SOX5: variants seen among roughly 807,000 people sequenced by gnomAD.
The protein encoded by SOX5 is transcription factor SOX-5.
Under a neutral mutation model 92.0 loss-of-function variants are expected in SOX5, and 9 were observed. The observed-to-expected ratio is 0.10, with a 90% CI of 0.06 to 0.17. SOX5 has a LOEUF of 0.17. Ranked by LOEUF, SOX5 falls within the 10% of genes least tolerant of loss-of-function variation. The probability of loss-of-function intolerance (pLI) is 1.00; values close to 1 mark genes in which losing one functional copy is unlikely to be tolerated. For missense variants in SOX5, 642 were observed against 944.5 expected, an observed-to-expected ratio of 0.68 and a Z score of 4.20; for synonymous variants, 344 against 336.3, an observed-to-expected ratio of 1.02 and a Z score of -0.25.
At chr12:23,566,841 G>T (rs576937138) in intron 10 of SOX5, among the ~76,000 whole-genome samples, 5 of 152,280 alleles carry the variant, frequency 3.3e-5, no homozygotes, top group Admixed American at 2.6e-4. Flanking sequence ...TTGGAAATTG[G>T]ATTCAACTGC....
At chr12:23,589,720 G>C (rs974195) in intron 9 of SOX5, among the ~76,000 whole-genome samples, 20 of 151,632 alleles carry the variant, frequency 1.3e-4, no homozygotes, top group Admixed American at 1.2e-3. Context: ...TTAAATTTCA[G>C]AGTCGTTTTG....
intron 4 of SOX5, among the ~76,000 whole-genome samples, chr12:23,745,656 T>C (rs2093957037): frequency 6.6e-6 from 1 of 152,178 alleles, no homozygotes. Flanking sequence ...TGGGCCAGTC[T>C]CTCCCTAAAC....
intron 4 of SOX5, among the ~76,000 whole-genome samples, chr12:23,963,925 C>T (rs1229893150): frequency 4.0e-5 from 6 of 151,828 alleles, no homozygotes; most frequent in South Asian, 2.1e-4. Flanking sequence ...AACATTAAAA[C>T]AGTAGTCTTC....
chr12:24,068,244 G>A (rs1941116969), intron 4 of SOX5, among the ~76,000 whole-genome samples: 1 of 152,296 alleles, frequency 6.6e-6, no homozygotes, highest in Admixed American at 6.5e-5. Flanking sequence ...AGTCGTCAAT[G>A]TGTCCTAGAA....
intron 2 of SOX5, among the ~76,000 whole-genome samples, chr12:24,344,215 G>A (rs1374352017): frequency 6.8e-6 from 1 of 147,598 alleles, no homozygotes; most frequent in East Asian, 2.0e-4. Context: ...CCAGGGAGTC[G>A]GAGGTTGCAG....
intron 4 of SOX5, among the ~76,000 whole-genome samples, chr12:24,127,490 T>G (rs1036518463): frequency 8.5e-5 from 13 of 152,060 alleles, no homozygotes; most frequent in African/African-American, 3.1e-4. Flanking sequence ...ACTACTGCAA[T>G]ACTTTTGAAT....
chr12:23,713,688 T>A (rs2092261399), intron 6 of SOX5, among the ~76,000 whole-genome samples: 1 of 147,066 alleles, frequency 6.8e-6, no homozygotes, highest in South Asian at 2.2e-4. Flanking sequence ...TGTATTGAAA[T>A]TATCTGGAAT....
At chr12:23,600,552 T>TATATATATATATATATATATATATATAC (rs745640453) in intron 9 of SOX5, among the ~76,000 whole-genome samples, 1 of 95,240 alleles carries the variant, frequency 1.0e-5, no homozygotes, top group African/African-American at 3.4e-5. Context: ...TATATATATA[T>TATATATATATATATATATATATATATAC]ACACATACTT....
chr12:23,667,422 T>C lies in SOX5; in HGVS notation c.811-1858A>G, dbSNP rs902593321. Among the ~76,000 whole-genome samples the C allele has an allele frequency of 3.3e-5, 5 of 152,274 alleles. No individual in the cohort carries two copies. The East Asian group carries it at 9.6e-4, about 29-fold the overall frequency. ...ATTCTAAACTTCGGTCTTTTATAGA[T>C]CAGATTATGAAAATGCATTTTGTTT... is the stretch of plus-strand genomic sequence containing the variant. On this transcript the variant is annotated intron_variant, in intron 6 of 14. Transcript: ENST00000451604.
intron 7 of SOX5, among the ~76,000 whole-genome samples, chr12:23,645,496 T>C (rs2080718905): frequency 6.6e-6 from 1 of 152,168 alleles, no homozygotes; most frequent in East Asian, 1.9e-4. Flanking sequence ...GTAGGAAGTA[T>C]TAAAGATCAC....
rs573715709 is a variant in SOX5 at position 23,840,966 on chromosome 12, A to G, written c.481+5017T>C. 2.6e-5 allele frequency among the ~76,000 whole-genome samples: 4 copies of G among 152,288 alleles called. No individual in the cohort carries two copies. The East Asian group carries it at 7.7e-4, about 29-fold the overall frequency. On this transcript the variant is annotated intron_variant, in intron 3 of 14. Coordinates refer to ENST00000451604, the MANE Select transcript of SOX5 (RefSeq NM_006940.6). ...CTTACAGACATCAAAAGCATAATCC[A>G]TGCAAAACAATTAATAATTAGATTT... is the stretch of plus-strand genomic sequence containing the variant.
chr12:24,172,013 G>T (rs1954238992), intron 4 of SOX5, among the ~76,000 whole-genome samples: 1 of 152,034 alleles, frequency 6.6e-6, no homozygotes, highest in East Asian at 1.9e-4. Context: ...AGATGCTAGA[G>T]AATATGAGAA....
chr12:24,143,791 AT>A (rs1950807110), intron 4 of SOX5, among the ~76,000 whole-genome samples: 1 of 151,694 alleles, frequency 6.6e-6, no homozygotes, highest in Non-Finnish European at 1.5e-5. Context: ...ACGACAGGTA[AT>A]AAGAGAATGG....
chr12:23,667,132 C>A (rs1019524820), intron 6 of SOX5, among the ~76,000 whole-genome samples: 45 of 151,416 alleles, frequency 3.0e-4, no homozygotes, highest in African/African-American at 1.1e-3. Flanking sequence ...GTGGTGGGGG[C>A]GGCAGAGAGA....
intron 3 of SOX5, among the ~76,000 whole-genome samples, chr12:23,772,693 C>T (rs1425137827): frequency 1.3e-5 from 2 of 152,170 alleles, no homozygotes; most frequent in Non-Finnish European, 2.9e-5. Context: ...CAAGCTCTGA[C>T]ATCTGGTTTA....
chr12:24,000,554 G>A (rs939059763), intron 4 of SOX5, among the ~76,000 whole-genome samples: 3 of 152,034 alleles, frequency 2.0e-5, no homozygotes, highest in African/African-American at 4.8e-5. Context: ...CTGTGTTTGT[G>A]TATTTCAGTG....
chr12:24,434,723 T>TG (rs1189061221), intron 1 of SOX5, among the ~76,000 whole-genome samples: 1 of 152,190 alleles, frequency 6.6e-6, no homozygotes, highest in African/African-American at 2.4e-5. Flanking sequence ...CCCTTCCTTC[T>TG]GCTCCAGCCA....
At chr12:24,509,462 T>C (rs1442217337) in intron 1 of SOX5, among the ~76,000 whole-genome samples, 1 of 152,138 alleles carries the variant, frequency 6.6e-6, no homozygotes, top group Non-Finnish European at 1.5e-5. Flanking sequence ...AAAACCAAAG[T>C]GACAGATGAA....
At chr12:24,413,043 T>C (rs1195892983) in intron 1 of SOX5, among the ~76,000 whole-genome samples, 2 of 152,114 alleles carry the variant, frequency 1.3e-5, no homozygotes, top group African/African-American at 2.4e-5. Context: ...GCTTGAGCCA[T>C]CGCGCCCGGC....
Sources: gnomAD v4.1 joint callset for allele counts (sites outside exome capture counted in the v4.1 genomes callset) on GRCh38, gnomAD v4.1.1 for gene constraint, MANE v1.5 for transcripts, NCBI Gene and HGNC (gene_info 2026-07-23, HGNC 2026-07-21) for gene names.